Variants in RITA1 observed in about 807,000 individuals in gnomAD.
RITA1 encodes the protein RBPJ interacting and tubulin associated 1.
Under a neutral mutation model 8.7 loss-of-function variants are expected in RITA1, and 15 were observed. That is an observed-to-expected ratio of 1.72 (90% CI 1.15 to 2.65). RITA1 has a LOEUF of 2.65. RITA1 is among the 30% of genes most tolerant of loss of function. The pLI is 0.00. For missense variants in RITA1, 330 were observed against 363.8 expected (o/e 0.91, Z 0.76); for synonymous variants, 145 against 156.2 (o/e 0.93, Z 0.53).
chr12:113,185,861 GC>G lies in RITA1; in HGVS notation c.-355del. 1 of 1,080,796 alleles carries G rather than the reference GC, an allele frequency of 9.3e-7. No individual in the cohort carries two copies. Among genetic ancestry groups the G allele is most frequent in the Middle Eastern group, 2.9e-4 (1 of 3,426 alleles). 67.0% of individuals were successfully genotyped at this position (1,080,796 alleles called of 1,614,324 possible). On this transcript the variant is annotated 5_prime_UTR_variant, in exon 1 of 4. Coordinates refer to ENST00000548278, the MANE Select transcript of RITA1 (RefSeq NM_032848.3). The stretch of plus-strand genomic sequence containing the variant: ...GCGGTGCCCCGGGACGGCCTAGGCT[GC>G]CGGGGGTCCGGGGCCCCAGGCATTC...
intron 3 of RITA1, among the ~76,000 whole-genome samples, chr12:113,188,216 A>AT (rs886170813): frequency 0.056 from 7,319 of 131,052 alleles, 261 homozygotes; most frequent in Middle Eastern, 0.074. Context: ...GCCTGACTTA[A>AT]TTTTTTTTTT....
rs1593013790 is a variant in RITA1, at chr12:113,185,740, T to C, written c.-478T>C. ...GTCCGCAGTGCTGCTGGCTGCTCCC[T>C]GGTTGCTGGGTGCAAAGTGCTGGGT... On this transcript the variant is annotated 5_prime_UTR_variant, in exon 1 of 4. Coordinates refer to ENST00000548278, the MANE Select transcript of RITA1 (RefSeq NM_032848.3). 1.6e-5 allele frequency: 9 copies of C among 573,880 alleles called. No homozygotes were observed. The East Asian group carries it at 2.4e-4, about 15-fold the overall frequency. 35.5% of individuals were successfully genotyped at this position (573,880 alleles called of 1,614,324 possible). A position where few individuals can be genotyped will look rare whatever the true frequency, so the allele number is the denominator to read the frequency against.
In RITA1 at chr12:113,186,790, T is replaced by C. The variant is rs928757321; in HGVS notation, c.44T>C (p.Leu15Pro). The C allele has an allele frequency of 1.2e-6, 2 of 1,613,650 alleles. No individual in the cohort carries two copies. Among genetic ancestry groups the C allele is most frequent in the Non-Finnish European group, 1.7e-6 (2 of 1,179,954 alleles). ...CTGGCCGTCAGTGGGATGCAGACCC[T>C]CGGCCTTCAGCACCGCTGCCGAGGT... ...VELAVSGMQT[L>P]GLQHRCRGGY... Residue 15 changes from leucine (L) to proline (P), a missense_variant, in exon 3 of 4, where the codon CTC becomes CCC. Transcript: ENST00000548278.
At position 113,186,912 on chromosome 12, in the gene RITA1, T is replaced by G; in HGVS notation, c.166T>G (p.Trp56Gly). 1.2e-6 allele frequency: 2 copies of G among 1,614,108 alleles called. No individual in the cohort carries two copies. Among genetic ancestry groups the G allele is most frequent in the Non-Finnish European group, 1.7e-6 (2 of 1,180,018 alleles). Residue 56 changes from tryptophan to glycine, a missense_variant, in exon 3 of 4, where the codon TGG (tryptophan) becomes GGG (glycine). Physicochemically the swap from Trp to Gly is radical, Grantham distance 184 (BLOSUM62 -2). Transcript: ENST00000548278. ...RPTPPDFDPPWVEKANRTRGV... is the reference protein window; with the variant it reads ...RPTPPDFDPPGVEKANRTRGV... ...TACCCCACCGGACTTCGATCCGCCCTGGGTGGAGAAGGCTAACAGAACCAG... is the reference window on the plus strand; with the variant it reads ...TACCCCACCGGACTTCGATCCGCCCGGGGTGGAGAAGGCTAACAGAACCAG...
In RITA1 at chr12:113,186,674, C is replaced by T. The variant is rs1385090821; in HGVS notation, c.-64-9C>T. On this transcript the variant is annotated splice_polypyrimidine_tract_variant and intron_variant, in intron 2 of 3. Coordinates refer to ENST00000548278, the MANE Select transcript of RITA1 (RefSeq NM_032848.3). ...GGCTCAGGGGTGCTACTCTGACCTC[C>T]TCTCACAGGGAGCCTCGGAAGCAGG... 3.8e-6 allele frequency: 6 copies of T among 1,578,864 alleles called. No individual in the cohort carries two copies. The highest frequency in any genetic ancestry group is 1.3e-5 in the African/African-American group (1 of 74,252).
chr12:113,189,360 G>A (rs1952575356), intron 3 of RITA1, among the ~76,000 whole-genome samples: 1 of 152,128 alleles, frequency 6.6e-6, no homozygotes, highest in Non-Finnish European at 1.5e-5. Context: ...GGGTCAGGTG[G>A]AGATTAGCAA....
chr12:113,187,134 C>T, intron 3 of RITA1, 86 bp downstream of exon 3: 1 of 1,384,344 alleles, frequency 7.2e-7, no homozygotes, highest in East Asian at 2.5e-5. Context: ...TGCTCTGTGA[C>T]CTTGGGCAAG....
Position 113,186,942 on chromosome 12 carries a change from G to A in RITA1, c.196G>A (p.Val66Met), listed in dbSNP as rs767217662. The change falls in exon 3 of 4, where the codon GTG becomes ATG. Residue 66 changes from valine to methionine, a missense_variant. By Grantham distance (21) the Val-to-Met change is conservative. Transcript: ENST00000548278. ...GGAGAAGGCTAACAGAACCAGAGGC[G>A]TGGGCAAGGAGGCATCGAAGGCCTT... is the stretch of plus-strand genomic sequence containing the variant. Reference protein sequence around the residue: ...WVEKANRTRGVGKEASKALGA... With the variant: ...WVEKANRTRGMGKEASKALGA... 9 of 1,613,990 alleles carry A rather than the reference G, an allele frequency of 5.6e-6. No homozygotes were observed. The highest frequency in any genetic ancestry group is 4.0e-5 in the African/African-American group (3 of 74,946).
chr12:113,186,111 C>T lies in RITA1; in HGVS notation c.-196-74C>T, dbSNP rs77925866. 9,589 of 1,511,646 alleles carry T rather than the reference C, an allele frequency of 6.3e-3. 511 individuals carry two copies. The East Asian group carries it at 0.15, about 24-fold the overall frequency. 93.6% of individuals were successfully genotyped at this position (1,511,646 alleles called of 1,614,324 possible). A position where few individuals can be genotyped will look rare whatever the true frequency, so the allele number is the denominator to read the frequency against. On this transcript the variant is annotated intron_variant, in intron 1 of 3. Transcript: ENST00000548278. ...GTCGCAGAATGTGGGGCGGTGGGGG[C>T]GGCGGTGATCTCCCGATAGCAGTGT...
In RITA1 at chr12:113,186,794, C is replaced by A. The variant is rs751144477; in HGVS notation, c.48C>A (p.Gly16=). 1.2e-6 allele frequency: 2 copies of A among 1,613,732 alleles called. No individual in the cohort carries two copies. Among genetic ancestry groups the A allele is most frequent in the Middle Eastern group, 1.7e-4 (1 of 6,060 alleles). Residue 16 remains glycine, a synonymous_variant, in exon 3 of 4, where the codon GGC becomes GGA. Coordinates refer to ENST00000548278, the MANE Select transcript of RITA1 (RefSeq NM_032848.3). ...ELAVSGMQTL[G]LQHRCRGGYR... is the part of the protein sequence containing the mutation. ...CCGTCAGTGGGATGCAGACCCTCGG[C>A]CTTCAGCACCGCTGCCGAGGTGGCT...
Position 113,191,380 on chromosome 12 carries a change from G to A in RITA1, c.373G>A (p.Gly125Arg), listed in dbSNP as rs553455240. Reference protein sequence around the residue: ...FGSRSEGASFGAPRMAKGDAA... With the variant: ...FGSRSEGASFRAPRMAKGDAA... ...CTCCCGATCTGAAGGCGCCAGCTTC[G>A]GGGCCCCGCGGATGGCGAAGGGGGA... Residue 125 changes from glycine to arginine, a missense_variant, in exon 4 of 4, where the codon GGG becomes AGG. Gly to Arg is a moderately radical substitution (Grantham distance 125). Coordinates refer to ENST00000548278, the MANE Select transcript of RITA1 (RefSeq NM_032848.3). This position sits in a 1 kb window ranked among gnomAD's most constrained non-coding sequence, Gnocchi z 4.0. The A allele has an allele frequency of 3.1e-6, 5 of 1,597,886 alleles. No homozygotes were observed. Among genetic ancestry groups the A allele is most frequent in the Admixed American group, 3.4e-5 (2 of 58,310 alleles).
At chr12:113,187,419 G>C (rs1386887058) in intron 3 of RITA1, 1 of 186,384 alleles carries the variant, frequency 5.4e-6, no homozygotes. Context: ...ATATTAATGT[G>C]TTCGATCCTT....
chr12:113,188,656 T>A (rs1317921464), intron 3 of RITA1, among the ~76,000 whole-genome samples: 2 of 151,974 alleles, frequency 1.3e-5, no homozygotes, highest in African/African-American at 2.4e-5. Context: ...CATTTTTTTT[T>A]AATCCTTCAA....
Position 113,191,534 on chromosome 12 carries a change from C to A in RITA1, c.527C>A (p.Pro176Gln), listed in dbSNP as rs1337780308. 1 of 1,612,830 alleles carries A rather than the reference C, an allele frequency of 6.2e-7. No homozygotes were observed. The highest frequency in any genetic ancestry group is 8.5e-7 in the Non-Finnish European group (1 of 1,179,016). Residue 176 changes from proline to glutamine, a missense_variant, in exon 4 of 4, where the codon CCA (proline) becomes CAA (glutamine). Transcript: ENST00000548278. The surrounding 1 kb of genome is among the most constrained non-coding windows in gnomAD (Gnocchi z 4.0). ...PAGPSKTEPG[P>Q]AADSQKLSMG... Reference sequence around the variant, plus strand: ...GGTCCCTCCAAGACAGAGCCGGGGCCAGCGGCAGACTCCCAGAAGTTATCT... The same window carrying A: ...GGTCCCTCCAAGACAGAGCCGGGGCAAGCGGCAGACTCCCAGAAGTTATCT...
chr12:113,187,081 C>CA, intron 3 of RITA1, 33 bp downstream of exon 3: 1 of 1,491,894 alleles, frequency 6.7e-7, no homozygotes, highest in East Asian at 2.5e-5. Flanking sequence ...ATCCTGTACT[C>CA]AGTGCAGCCA....
At position 113,186,704 on chromosome 12, in the gene RITA1, G is replaced by C; in HGVS notation, c.-43G>C. The C allele has an allele frequency of 6.2e-7, 1 of 1,601,612 alleles. No homozygotes were observed. ...ACAGGGAGCCTCGGAAGCAGGGCCT[G>C]GCCGGCAGAGCACACCTGCTGTCAC... On this transcript the variant is annotated 5_prime_UTR_variant, in exon 3 of 4. Coordinates refer to ENST00000548278, the MANE Select transcript of RITA1 (RefSeq NM_032848.3).
chr12:113,186,875 A>G lies in RITA1; in HGVS notation c.129A>G (p.Ala43=). The G allele has an allele frequency of 6.2e-7, 1 of 1,614,040 alleles. No homozygotes were observed. Among genetic ancestry groups the G allele is most frequent in the Non-Finnish European group, 8.5e-7 (1 of 1,180,006 alleles). Residue 43 remains alanine (A), a synonymous_variant, in exon 3 of 4, where the codon GCA becomes GCG. Coordinates refer to ENST00000548278, the MANE Select transcript of RITA1 (RefSeq NM_032848.3). ...ATGAGACTCTGTTTGGCAGCCCAGC[A>G]GGCACCCGGCCTACCCCACCGGACT... ...YVDETLFGSP[A]GTRPTPPDFD...
chr12:113,191,142 T>A lies in RITA1; in HGVS notation c.303-168T>A, dbSNP rs925507194. On this transcript the variant is annotated intron_variant, in intron 3 of 3. Transcript: ENST00000548278. The surrounding 1 kb of genome is among the most constrained non-coding windows in gnomAD (Gnocchi z 4.0). Reference sequence around the variant, plus strand: ...CAGCAGAGACCGGGGGCAGTGGTGCTTAAGAGGCTGTGGCCTCGCTGTAGG... The same window carrying A: ...CAGCAGAGACCGGGGGCAGTGGTGCATAAGAGGCTGTGGCCTCGCTGTAGG... Among the ~76,000 whole-genome samples the A allele has an allele frequency of 6.6e-6, 1 of 152,174 alleles. No homozygotes were observed. Among genetic ancestry groups the A allele is most frequent in the East Asian group, 1.9e-4 (1 of 5,188 alleles).
rs368110690 is a variant in RITA1, at chr12:113,191,390, G to C, written c.383G>C (p.Arg128Pro). 24 of 1,604,334 alleles carry C rather than the reference G, an allele frequency of 1.5e-5. 1 individual carries two copies. The South Asian group carries it at 2.7e-4, about 18-fold the overall frequency. ...GAAGGCGCCAGCTTCGGGGCCCCGCGGATGGCGAAGGGGGATGCCGCAAAG... is the reference window on the plus strand; with the variant it reads ...GAAGGCGCCAGCTTCGGGGCCCCGCCGATGGCGAAGGGGGATGCCGCAAAG... ...RSEGASFGAP[R>P]MAKGDAAKLR... The change falls in exon 4 of 4, where the codon CGG (arginine) becomes CCG (proline). Residue 128 changes from arginine (R) to proline (P), a missense_variant. Physicochemically the swap from Arg to Pro is moderately radical, Grantham distance 103. Coordinates refer to ENST00000548278, the MANE Select transcript of RITA1 (RefSeq NM_032848.3). The surrounding 1 kb of genome is among the most constrained non-coding windows in gnomAD (Gnocchi z 4.0).
Sources: gnomAD v4.1 joint callset for allele counts (sites outside exome capture counted in the v4.1 genomes callset) on GRCh38, gnomAD v4.1.1 for gene constraint, Gnocchi (gnomAD v3.1) non-coding constraint, MANE v1.5 for transcripts, NCBI Gene and HGNC (gene_info 2026-07-23, HGNC 2026-07-21) for gene names.